Variants in HDAC9 observed in about 807,000 individuals in gnomAD.
HDAC9 encodes the protein MEF-2 interacting transcription repressor (MITR) protein.
In HDAC9, 41 loss-of-function variants were observed where a neutral mutation model predicts 139.4. That is an observed-to-expected ratio of 0.29 (90% CI 0.23 to 0.38). The LOEUF is 0.38. Among genes scored for constraint, HDAC9 ranks in the 10% least tolerant of loss-of-function variants. HDAC9 has a pLI of 1.00. For missense variants in HDAC9, 1,147 were observed against 1,297.0 expected (o/e 0.88, Z 1.78); for synonymous variants, 517 against 476.2 (o/e 1.09, Z -1.12).
chr7:18,087,566 G>T (rs1201321561), intron 1 of HDAC9, among the ~76,000 whole-genome samples: 1 of 152,120 alleles, frequency 6.6e-6, no homozygotes. Context: ...TACTGGCAAC[G>T]TGTTGCTTGA....
chr7:18,406,485 C>G, intron 1 of HDAC9, among the ~76,000 whole-genome samples: 1 of 152,052 alleles, frequency 6.6e-6, no homozygotes, highest in East Asian at 1.9e-4. Flanking sequence ...GCTCCGCCTC[C>G]CGGGTTTACG....
At chr7:18,955,917 G>A (rs1455648908) in intron 24 of HDAC9, among the ~76,000 whole-genome samples, 2 of 152,050 alleles carry the variant, frequency 1.3e-5, no homozygotes, top group Non-Finnish European at 2.9e-5. Flanking sequence ...TTTCCACATA[G>A]GTATAAAAAG....
At chr7:18,369,639 G>A (rs934730833) in intron 1 of HDAC9, among the ~76,000 whole-genome samples, 2 of 152,052 alleles carry the variant, frequency 1.3e-5, no homozygotes, top group African/African-American at 4.8e-5. Flanking sequence ...TTCCCTAAAT[G>A]CTGTGGACTT....
At chr7:18,162,752 C>T (rs1787726357) in intron 2 of HDAC9, 1 of 175,468 alleles carries the variant, frequency 5.7e-6, no homozygotes, top group East Asian at 1.8e-4. Flanking sequence ...ATTGACTCCA[C>T]CTCCATCTCT....
chr7:18,960,220 G>A (rs574539399), intron 24 of HDAC9, among the ~76,000 whole-genome samples: 8 of 152,054 alleles, frequency 5.3e-5, no homozygotes, highest in Non-Finnish European at 1.0e-4. Context: ...AATGCACAGA[G>A]CACACTCTCA....
intron 25 of HDAC9, among the ~76,000 whole-genome samples, chr7:18,984,645 G>C (rs1785185029): frequency 6.6e-6 from 1 of 151,646 alleles, no homozygotes; most frequent in Non-Finnish European, 1.5e-5. Context: ...ATAGTGAGTA[G>C]TTGGCAATTC....
At chr7:18,525,344 A>C (rs1327929777) in intron 2 of HDAC9, among the ~76,000 whole-genome samples, 1 of 152,136 alleles carries the variant, frequency 6.6e-6, no homozygotes, top group African/African-American at 2.4e-5. Flanking sequence ...AAAGTACCTA[A>C]AAATACCAAG....
rs190118794 is a variant in HDAC9 at position 18,589,670 on chromosome 7, C to G, written c.265-666C>G. On this transcript the variant is annotated intron_variant, in intron 3 of 25. Transcript: ENST00000686413. ...TGAAGTTTTGTGGAAGTGGTTTCTT[C>G]TTGACCAGTGTCTTTAATCTAAAAG... 3.5e-3 allele frequency among the ~76,000 whole-genome samples: 540 copies of G among 152,282 alleles called. 1 individual carries two copies. The highest frequency in any genetic ancestry group is 6.0e-3 in the Non-Finnish European group (407 of 68,016).
At chr7:18,162,590 C>G (rs1201674353) in intron 2 of HDAC9, 15 of 525,158 alleles carry the variant, frequency 2.9e-5, no homozygotes, top group Non-Finnish European at 5.1e-5. Flanking sequence ...TTTAATTCTT[C>G]TGCTTCCAAG....
At chr7:18,738,338 C>T (rs1347725176) in intron 13 of HDAC9, among the ~76,000 whole-genome samples, 3 of 152,192 alleles carry the variant, frequency 2.0e-5, no homozygotes, top group Non-Finnish European at 4.4e-5. Context: ...TTAATTGATG[C>T]AGTTTCTTCA....
chr7:18,817,993 C>T (rs573329964), intron 17 of HDAC9, among the ~76,000 whole-genome samples: 66 of 152,242 alleles, frequency 4.3e-4, no homozygotes, highest in African/African-American at 1.5e-3. Flanking sequence ...GATAATGCAT[C>T]GATATGAATT....
At chr7:18,399,520 T>C (rs537940570) in intron 1 of HDAC9, among the ~76,000 whole-genome samples, 172 of 152,280 alleles carry the variant, frequency 1.1e-3, no homozygotes, top group African/African-American at 3.7e-3. Context: ...CTTTCATTTG[T>C]TGTTTTGTCG....
At chr7:18,475,550 T>C (rs1296858863) in intron 1 of HDAC9, among the ~76,000 whole-genome samples, 1 of 152,212 alleles carries the variant, frequency 6.6e-6, no homozygotes, top group Non-Finnish European at 1.5e-5. Flanking sequence ...AATAAATCAG[T>C]ACTTTGTCAA....
At chr7:18,993,929 G>A (rs1448723614) in intron 25 of HDAC9, among the ~76,000 whole-genome samples, 2 of 152,232 alleles carry the variant, frequency 1.3e-5, no homozygotes, top group African/African-American at 4.8e-5. Context: ...AATATAAAAT[G>A]ATTTCAAAGA....
At chr7:18,228,628 A>C (rs1477129900) in intron 2 of HDAC9, among the ~76,000 whole-genome samples, 2 of 151,626 alleles carry the variant, frequency 1.3e-5, no homozygotes, top group East Asian at 3.9e-4. Context: ...CTTTATTCTT[A>C]GCATTATATA....
rs568346684 is a variant in HDAC9, at chr7:18,789,504, A to G, written c.2215-3841A>G. On this transcript the variant is annotated intron_variant, in intron 16 of 25. Transcript: ENST00000686413. ...TTTAGCAAGACCTTAGTAGTAGGCC[A>G]CTGTGCTCAGGGTGGCTCCCTGCTC... Among the ~76,000 whole-genome samples the G allele has an allele frequency of 7.4e-4, 113 of 152,318 alleles. 2 individuals are homozygous for G. The highest frequency in any genetic ancestry group is 3.4e-3 in the Middle Eastern group (1 of 294).
intron 24 of HDAC9, among the ~76,000 whole-genome samples, chr7:18,955,320 TAAAGAGGGTCTA>T (rs1783074759): frequency 6.6e-6 from 1 of 152,078 alleles, no homozygotes; most frequent in Non-Finnish European, 1.5e-5. Flanking sequence ...TGGGGCTAGA[TAAAGAGGGTCTA>T]TTACATGTCA....
intron 25 of HDAC9, among the ~76,000 whole-genome samples, chr7:18,984,530 AG>A (rs1347859764): frequency 6.6e-6 from 1 of 152,180 alleles, no homozygotes; most frequent in East Asian, 1.9e-4. Context: ...ATACTACTAA[AG>A]GGACAGCCAA....
intron 2 of HDAC9, among the ~76,000 whole-genome samples, chr7:18,243,570 T>G (rs1337547765): frequency 6.6e-6 from 1 of 152,218 alleles, no homozygotes; most frequent in Non-Finnish European, 1.5e-5. Flanking sequence ...CTGAGCAGTC[T>G]CCATTCAGAA....
Sources: allele counts gnomAD v4.1 joint callset (sites outside exome capture counted in the v4.1 genomes callset), GRCh38; gene constraint gnomAD v4.1.1; transcripts MANE v1.5; gene names NCBI Gene and HGNC (gene_info 2026-07-23, HGNC 2026-07-21).